Variants in RBFOX3 observed in about 807,000 individuals in gnomAD.
RBFOX3 encodes RNA binding fox-1 homolog 3, also known as RNA binding protein fox-1 homolog 3.
A neutral mutation model predicts 48.7 loss-of-function variants in RBFOX3; 17 were observed. The ratio of observed to expected loss-of-function variants is 0.35; its 90% CI spans 0.24 to 0.52. The LOEUF (loss-of-function observed/expected upper bound fraction) is 0.52, where lower values mean the gene tolerates loss of function less well. Among genes scored for constraint, RBFOX3 ranks in the 20% least tolerant of loss-of-function variants. RBFOX3 has a pLI of 0.94. For missense variants in RBFOX3, 382 were observed against 497.5 expected, an observed-to-expected ratio of 0.77 and a Z score of 2.21; for synonymous variants, 212 against 209.5, an observed-to-expected ratio of 1.01 and a Z score of -0.10.
At chr17:79,485,740 G>A (rs35807761) in intron 1 of RBFOX3, among the ~76,000 whole-genome samples, 1,711 of 152,222 alleles carry the variant, frequency 0.011, 37 homozygotes, top group African/African-American at 0.037. Flanking sequence ...CGCCGAGTCC[G>A]GAGGGCAGGG....
chr17:79,200,897 C>T (rs2056648326), intron 4 of RBFOX3, among the ~76,000 whole-genome samples: 1 of 152,020 alleles, frequency 6.6e-6, no homozygotes, highest in Non-Finnish European at 1.5e-5. Flanking sequence ...CCCCCTCCTG[C>T]GTCCTCGTCT....
Position 79,374,641 on chromosome 17 carries a change from G to A in RBFOX3, c.-174-66817C>T, listed in dbSNP as rs938411582. Among the ~76,000 whole-genome samples the A allele has an allele frequency of 3.9e-5, 6 of 152,340 alleles. No homozygotes were observed. In the East Asian group the frequency reaches 9.7e-4, roughly 25 times the overall value. On this transcript the variant is annotated intron_variant, in intron 2 of 14. Coordinates refer to ENST00000693108, the MANE Select transcript of RBFOX3 (RefSeq NM_001350451.2). ...GCACACGCACGGCACATGTGTACAC[G>A]CTTGAGGCTCCGTTCGCATGTTTGC...
chr17:79,202,752 C>T (rs1339343530), intron 4 of RBFOX3, among the ~76,000 whole-genome samples: 5 of 152,238 alleles, frequency 3.3e-5, no homozygotes, highest in East Asian at 3.9e-4. Context: ...CAGCACTGCC[C>T]GCCCTGGGGC....
chr17:79,654,760 C>T, the RBFOX3 span, among the ~76,000 whole-genome samples: 1 of 152,200 alleles, frequency 6.6e-6, no homozygotes, highest in African/African-American at 2.4e-5. Context: ...TCATTTGGAA[C>T]ATCTGGGAAT....
intron 3 of RBFOX3, among the ~76,000 whole-genome samples, chr17:79,306,381 G>C (rs141679587): frequency 1.3e-5 from 2 of 152,260 alleles, no homozygotes; most frequent in Non-Finnish European, 2.9e-5. Flanking sequence ...GCCCGCACGC[G>C]TGTGACTCTC....
chr17:79,521,228 A>G (rs2086025867), intron 1 of RBFOX3, among the ~76,000 whole-genome samples: 2 of 151,922 alleles, frequency 1.3e-5, no homozygotes. Context: ...ACACACACAC[A>G]CACATTCTCA....
rs530469553 is a variant in RBFOX3, at chr17:79,242,346, A to G, written c.-73-6541T>C. Among the ~76,000 whole-genome samples, 10 of 152,216 alleles carry G rather than the reference A, an allele frequency of 6.6e-5. No homozygotes were observed. In the East Asian group the frequency reaches 1.9e-3, roughly 29 times the overall value. On this transcript the variant is annotated intron_variant, in intron 3 of 14. Coordinates refer to ENST00000693108, the MANE Select transcript of RBFOX3 (RefSeq NM_001350451.2). This position sits in a 1 kb window ranked among gnomAD's most constrained non-coding sequence, Gnocchi z 5.8. ...AACGATCTGTTTGTGCTCTTTCCCT[A>G]AGGGGAGCTGGAGGTGAAGGGTGCA...
chr17:79,504,682 A>T (rs1288378243), intron 1 of RBFOX3, among the ~76,000 whole-genome samples: 2 of 152,142 alleles, frequency 1.3e-5, no homozygotes, highest in African/African-American at 4.8e-5. Flanking sequence ...TTATAAGGAC[A>T]TTGGTGATTA....
At chr17:79,592,338 C>A (rs1402756268) in intron 1 of RBFOX3, among the ~76,000 whole-genome samples, 1 of 149,792 alleles carries the variant, frequency 6.7e-6, no homozygotes, top group East Asian at 2.0e-4. Context: ...GGTGTGTGAA[C>A]ATGTGCATAT....
At chr17:79,283,712 G>A (rs1401055276) in intron 3 of RBFOX3, among the ~76,000 whole-genome samples, 4 of 152,222 alleles carry the variant, frequency 2.6e-5, no homozygotes, top group African/African-American at 7.2e-5. Flanking sequence ...CACTCCTCCC[G>A]ATGTCAGACC....
At chr17:79,105,157 G>T (rs528648453) in intron 6 of RBFOX3, among the ~76,000 whole-genome samples, 2 of 152,362 alleles carry the variant, frequency 1.3e-5, no homozygotes, top group South Asian at 2.1e-4. Flanking sequence ...CTGGAGGCGG[G>T]GGGTGCAGCA....
intron 1 of RBFOX3, among the ~76,000 whole-genome samples, chr17:79,508,400 G>A (rs975440617): frequency 1.7e-4 from 26 of 152,248 alleles, no homozygotes; most frequent in African/African-American, 5.3e-4. Flanking sequence ...GACCTCCTCC[G>A]CCTGCCTGCC....
intron 3 of RBFOX3, among the ~76,000 whole-genome samples, chr17:79,239,024 C>T (rs756553340): frequency 1.3e-4 from 20 of 152,174 alleles, no homozygotes; most frequent in South Asian, 4.1e-4. Context: ...TGCACCTCCC[C>T]GGAGGCTCTT....
At chr17:79,180,829 G>A (rs2051747511) in intron 4 of RBFOX3, among the ~76,000 whole-genome samples, 1 of 151,536 alleles carries the variant, frequency 6.6e-6, no homozygotes. Context: ...GGGAAGGAAA[G>A]TGAATGCTCA....
At chr17:79,093,720 A>T (rs896302938) in intron 14 of RBFOX3, among the ~76,000 whole-genome samples, 1 of 151,098 alleles carries the variant, frequency 6.6e-6, no homozygotes, top group African/African-American at 2.4e-5. Context: ...GCCAGTGGGT[A>T]CAGGAGGCAG....
chr17:79,385,578 CA>C (rs1386711516), intron 2 of RBFOX3, among the ~76,000 whole-genome samples: 1 of 152,176 alleles, frequency 6.6e-6, no homozygotes, highest in Non-Finnish European at 1.5e-5. Context: ...CAGTGAGTCA[CA>C]AAGACAGAGG....
Position 79,094,538 on chromosome 17 carries a change from G to C in RBFOX3, c.999-9C>G, listed in dbSNP as rs1311373046. 7.5e-7 allele frequency: 1 copy of C among 1,339,486 alleles called. No individual in the cohort carries two copies. Among genetic ancestry groups the C allele is most frequent in the East Asian group, 3.2e-5 (1 of 31,734 alleles). The allele number at this position is 1,339,486 out of a possible 1,614,324, so 83.0% of individuals were successfully genotyped here. A position where few individuals can be genotyped will look rare whatever the true frequency, so the allele number is the denominator to read the frequency against. ...CGTAGACTCTGCCGTAACTAGGGAA[G>C]AGCGTGGGAGGGGGAGTGGGAGGAG... is the stretch of plus-strand genomic sequence containing the variant. On this transcript the variant is annotated splice_polypyrimidine_tract_variant and intron_variant, in intron 13 of 14. Coordinates refer to ENST00000693108, the MANE Select transcript of RBFOX3 (RefSeq NM_001350451.2).
At position 79,094,495 on chromosome 17, in the gene RBFOX3, G is replaced by A; in HGVS notation, c.1033C>T (p.His345Tyr). Residue 345 changes from histidine (H) to tyrosine (Y), a missense_variant, in exon 14 of 15, where the codon CAT becomes TAT. Physicochemically the swap from His to Tyr is moderately conservative, Grantham distance 83 (BLOSUM62 2). This residue lies in a region of RBFOX3 where 215 missense variants were observed against 254.8 expected (regional missense o/e 0.84). Transcript: ENST00000693108. ...GRVYAAADPY[H>Y]HTIGPAATYS... ...GTCGCCGCGGGCCCGATGGTGTGAT[G>A]GTACGGGTCGGCAGCTGCGTAGACT... is the stretch of plus-strand genomic sequence containing the variant. 1 of 1,463,660 alleles carries A rather than the reference G, an allele frequency of 6.8e-7. No individual in the cohort carries two copies. The allele number at this position is 1,463,660 out of a possible 1,614,324, so 90.7% of individuals were successfully genotyped here. A position where few individuals can be genotyped will look rare whatever the true frequency, so the allele number is the denominator to read the frequency against.
chr17:79,131,320 T>C (rs118110236), intron 4 of RBFOX3, among the ~76,000 whole-genome samples: 4,852 of 152,358 alleles, frequency 0.032, 105 homozygotes, highest in Middle Eastern at 0.088. Flanking sequence ...CTGTGCTCTG[T>C]GCACGCTGGG....
Sources: allele counts gnomAD v4.1 joint callset (sites outside exome capture counted in the v4.1 genomes callset), GRCh38; gene constraint gnomAD v4.1.1; regional missense constraint gnomAD v4.1.1; non-coding constraint Gnocchi (gnomAD v3.1); transcripts MANE v1.5; gene names NCBI Gene and HGNC (gene_info 2026-07-23, HGNC 2026-07-21).